SPATS2L: variants seen among roughly 807,000 people sequenced by gnomAD.
The protein encoded by SPATS2L is spermatogenesis associated serine rich 2 like.
In SPATS2L, 30 loss-of-function variants were observed where a neutral mutation model predicts 59.6. The ratio of observed to expected loss-of-function variants is 0.50; its 90% CI spans 0.38 to 0.68. The LOEUF (loss-of-function observed/expected upper bound fraction) is 0.68. SPATS2L is among the 30% of genes least tolerant of loss of function. The pLI is 0.00. For missense variants in SPATS2L, 615 were observed against 700.0 expected, an observed-to-expected ratio of 0.88 and a Z score of 1.37; for synonymous variants, 252 against 263.5, an observed-to-expected ratio of 0.96 and a Z score of 0.42.
At chr2:200,422,639 C>T (rs1322925904) in intron 6 of SPATS2L, among the ~76,000 whole-genome samples, 2 of 151,648 alleles carry the variant, frequency 1.3e-5, no homozygotes, top group African/African-American at 4.8e-5. Flanking sequence ...CCCTTAATTT[C>T]GTTAGCAGCC....
Position 200,412,403 on chromosome 2 carries a change from G to A in SPATS2L, c.132G>A (p.Val44=), listed in dbSNP as rs377099737. Residue 44 remains valine, a synonymous_variant, in exon 4 of 13, where the codon GTG becomes GTA. Transcript: ENST00000409140. Reference sequence around the variant, plus strand: ...TTGATTTTAATGTGGATAAAGCCGTGCAAGCCTTTGTGGATGGTAGGTATA... The same window carrying A: ...TTGATTTTAATGTGGATAAAGCCGTACAAGCCTTTGTGGATGGTAGGTATA... ...QQFDFNVDKA[V]QAFVDGSAIQ... 3.6e-5 allele frequency: 58 copies of A among 1,599,220 alleles called. No individual in the cohort carries two copies. Among genetic ancestry groups the A allele is most frequent in the Non-Finnish European group, 4.7e-5 (55 of 1,172,022 alleles).
intron 2 of SPATS2L, among the ~76,000 whole-genome samples, chr2:200,386,472 T>C (rs2081997558): frequency 6.6e-6 from 1 of 152,176 alleles, no homozygotes; most frequent in Non-Finnish European, 1.5e-5. Flanking sequence ...TGTGCGTGTA[T>C]GTTTTCTTAC....
At chr2:200,435,147 A>G (rs779650653) in intron 6 of SPATS2L, among the ~76,000 whole-genome samples, 1 of 152,306 alleles carries the variant, frequency 6.6e-6, no homozygotes, top group South Asian at 2.1e-4. Context: ...TTTATTGCCT[A>G]TTAATAAACC....
chr2:200,419,108 A>T, intron 5 of SPATS2L, 142 bp from the exon 6 acceptor site: 1 of 752,224 alleles, frequency 1.3e-6, no homozygotes, highest in Non-Finnish European at 2.1e-6. Context: ...GTGGTTAATA[A>T]AGATGTAAAT....
intron 3 of SPATS2L, among the ~76,000 whole-genome samples, chr2:200,407,009 G>A (rs1340318328): frequency 6.6e-6 from 1 of 152,196 alleles, no homozygotes; most frequent in Non-Finnish European, 1.5e-5. Flanking sequence ...AGACAAGGTA[G>A]TCTCCCCCAA....
intron 9 of SPATS2L, among the ~76,000 whole-genome samples, chr2:200,462,473 T>C (rs1313040713): frequency 6.6e-6 from 1 of 152,174 alleles, no homozygotes; most frequent in Non-Finnish European, 1.5e-5. Flanking sequence ...ACTTGAGTAA[T>C]TGGTATGGCA....
rs184511899 is a variant in SPATS2L, at chr2:200,400,803, T to C, written c.40-11508T>C. ...AATTTTCATTTAGTATTATTGTAAC[T>C]GTTAAATAAATTTGCTTTTTTTCCA... is the stretch of plus-strand genomic sequence containing the variant. On this transcript the variant is annotated intron_variant, in intron 3 of 12. Transcript: ENST00000409140. Among the ~76,000 whole-genome samples the C allele has an allele frequency of 9.2e-5, 14 of 152,382 alleles. No individual in the cohort carries two copies. In the East Asian group the frequency reaches 2.7e-3, roughly 29 times the overall value.
chr2:200,465,193 C>A (rs2086511072), intron 9 of SPATS2L, among the ~76,000 whole-genome samples: 1 of 152,160 alleles, frequency 6.6e-6, no homozygotes, highest in South Asian at 2.1e-4. Flanking sequence ...CAGGGGGAAA[C>A]CATGGCACAC....
intron 2 of SPATS2L, among the ~76,000 whole-genome samples, chr2:200,333,489 TTA>T (rs2080027867): frequency 6.6e-6 from 1 of 151,806 alleles, no homozygotes. Flanking sequence ...AAAATTTTTT[TTA>T]TTTTTTATTT....
At chr2:200,348,111 G>C (rs935149252) in intron 2 of SPATS2L, among the ~76,000 whole-genome samples, 1 of 152,138 alleles carries the variant, frequency 6.6e-6, no homozygotes, top group Non-Finnish European at 1.5e-5. Context: ...ACAGCTAAAT[G>C]AAATTTAAAA....
At chr2:200,322,713 C>G (rs1305717887) in intron 1 of SPATS2L, among the ~76,000 whole-genome samples, 1 of 152,178 alleles carries the variant, frequency 6.6e-6, no homozygotes, top group African/African-American at 2.4e-5. Context: ...CAGTCAGTAC[C>G]TAACACACAG....
intron 2 of SPATS2L, among the ~76,000 whole-genome samples, chr2:200,346,069 G>A (rs960398714): frequency 2.0e-5 from 3 of 152,168 alleles, no homozygotes; most frequent in Non-Finnish European, 1.5e-5. Flanking sequence ...GCAAGATGCC[G>A]TATATTTTTC....
intron 10 of SPATS2L, 57 bp from the exon 11 acceptor site, chr2:200,469,857 G>T (rs918509426): frequency 1.5e-6 from 2 of 1,361,082 alleles, no homozygotes; most frequent in Non-Finnish European, 2.0e-6. Flanking sequence ...CATCCACGGG[G>T]GTGCCTTGGT....
chr2:200,314,805 A>T (rs2079311914), intron 1 of SPATS2L, among the ~76,000 whole-genome samples: 1 of 152,242 alleles, frequency 6.6e-6, no homozygotes, highest in African/African-American at 2.4e-5. Flanking sequence ...AGATGTGCGT[A>T]AGTGTAAAAT....
intron 1 of SPATS2L, among the ~76,000 whole-genome samples, chr2:200,325,891 C>T (rs2079720750): frequency 6.6e-6 from 1 of 150,824 alleles, no homozygotes. Context: ...AAAAGCCTCA[C>T]TTATCTTCCT....
At chr2:200,328,876 T>TTATAAC (rs1310037959) in intron 1 of SPATS2L, among the ~76,000 whole-genome samples, 1 of 152,152 alleles carries the variant, frequency 6.6e-6, no homozygotes, top group Non-Finnish European at 1.5e-5. Flanking sequence ...GAGGAGAGGA[T>TTATAAC]TATAACAAGA....
chr2:200,358,358 A>T (rs1244655404), intron 2 of SPATS2L, among the ~76,000 whole-genome samples: 1 of 152,188 alleles, frequency 6.6e-6, no homozygotes, highest in Non-Finnish European at 1.5e-5. Context: ...TTTTTCTTCC[A>T]GCATTTTCAT....
chr2:200,394,971 GGTGA>G (rs1384214787), intron 3 of SPATS2L, among the ~76,000 whole-genome samples: 1 of 152,148 alleles, frequency 6.6e-6, no homozygotes, highest in Non-Finnish European at 1.5e-5. Flanking sequence ...ACTCTGTGAA[GGTGA>G]GCTATCAGAA....
chr2:200,367,359 A>G (rs1270586971), intron 2 of SPATS2L, among the ~76,000 whole-genome samples: 2 of 152,164 alleles, frequency 1.3e-5, no homozygotes, highest in South Asian at 4.1e-4. Context: ...GGTCAGGGCC[A>G]TGACCTCGTG....
Sources: gnomAD v4.1 joint callset for allele counts (sites outside exome capture counted in the v4.1 genomes callset) on GRCh38, gnomAD v4.1.1 for gene constraint, MANE v1.5 for transcripts, NCBI Gene and HGNC (gene_info 2026-07-23, HGNC 2026-07-21) for gene names.